Variants in VWA8 observed in about 807,000 individuals in gnomAD.
VWA8 encodes the protein von Willebrand factor A domain-containing protein 8.
A neutral mutation model predicts 241.5 loss-of-function variants in VWA8; 221 were observed. That is an observed-to-expected ratio of 0.91 (90% confidence interval 0.82 to 1.02). VWA8 has a LOEUF of 1.02. Among genes scored for constraint, VWA8 ranks in the 50% least tolerant of loss-of-function variants. VWA8 has a pLI of 0.00. For missense variants in VWA8, 2,322 were observed against 2,328.7 expected (o/e 1.00, Z 0.06); for synonymous variants, 852 against 827.1 (o/e 1.03, Z -0.52).
chr13:41,688,244 T>TATATA (rs1223259421), intron 34 of VWA8, among the ~76,000 whole-genome samples: 224 of 152,222 alleles, frequency 1.5e-3, no homozygotes, highest in African/African-American at 5.2e-3. Context: ...TATCCTGAAG[T>TATATA]ACCCAGCATT....
rs1012923821 is a variant in VWA8 at position 41,878,197 on chromosome 13, A to G, written c.1080+5190T>C. On this transcript the variant is annotated intron_variant, in intron 9 of 44. Coordinates refer to ENST00000379310, the MANE Select transcript of VWA8 (RefSeq NM_015058.2). ...CCTTCTTAATTTACCATTATAATAC[A>G]TACTTCTATTTCTTAAGTAAACATT... is the stretch of plus-strand genomic sequence containing the variant. 2.6e-5 allele frequency among the ~76,000 whole-genome samples: 4 copies of G among 152,150 alleles called. No homozygotes were observed. In the East Asian group the frequency reaches 5.8e-4, roughly 22 times the overall value.
chr13:41,621,690 TTAAGAA>T, intron 37 of VWA8, among the ~76,000 whole-genome samples: 1 of 151,894 alleles, frequency 6.6e-6, no homozygotes, highest in East Asian at 2.0e-4. Flanking sequence ...GAACAGTCTT[TTAAGAA>T]TAAGTACTAC....
At position 41,571,597 on chromosome 13, in the gene VWA8, G is replaced by C. The variant is rs570906377; in HGVS notation, c.5371-891C>G. ...GCTCCTGACTGCGAGTGATCTACCT[G>C]CCTCCGCCTCCCGAGGTGCCGGGAT... On this transcript the variant is annotated intron_variant, in intron 43 of 44. Transcript: ENST00000379310. Among the ~76,000 whole-genome samples, 668 of 152,270 alleles carry C rather than the reference G, an allele frequency of 4.4e-3. 5 individuals are homozygous for C. Among genetic ancestry groups the C allele is most frequent in the African/African-American group, 0.015 (639 of 41,556 alleles).
intron 37 of VWA8, among the ~76,000 whole-genome samples, chr13:41,621,710 T>C (rs2044658495): frequency 6.6e-6 from 1 of 152,178 alleles, no homozygotes; most frequent in South Asian, 2.1e-4. Flanking sequence ...GTACTACAAA[T>C]GAAGGCACAA....
At chr13:41,765,368 C>T (rs1332669494) in intron 20 of VWA8, among the ~76,000 whole-genome samples, 1 of 152,110 alleles carries the variant, frequency 6.6e-6, no homozygotes, top group African/African-American at 2.4e-5. Flanking sequence ...CAAGACTATC[C>T]TCAATTTGTT....
intron 19 of VWA8, among the ~76,000 whole-genome samples, chr13:41,782,129 A>T (rs1351232546): frequency 2.0e-5 from 3 of 152,230 alleles, no homozygotes; most frequent in African/African-American, 7.2e-5. Flanking sequence ...TAAGAAGAGA[A>T]GGTACGTTTG....
chr13:41,764,958 T>C (rs1024683948), intron 20 of VWA8, among the ~76,000 whole-genome samples: 3 of 151,916 alleles, frequency 2.0e-5, no homozygotes, highest in African/African-American at 4.8e-5. Flanking sequence ...GGAAAGCAGT[T>C]TGAAATTCCT....
chr13:41,786,473 C>T (rs1354098340), intron 18 of VWA8, among the ~76,000 whole-genome samples: 1 of 152,166 alleles, frequency 6.6e-6, no homozygotes, highest in Admixed American at 6.6e-5. Flanking sequence ...TTATCCCCTA[C>T]ATGAGGCTTA....
chr13:41,733,608 G>C (rs745617478), intron 21 of VWA8, among the ~76,000 whole-genome samples: 2 of 152,162 alleles, frequency 1.3e-5, no homozygotes, highest in African/African-American at 4.8e-5. Context: ...TTTTTTAGCA[G>C]AGATGGTGCT....
chr13:41,824,967 G>A (rs1237035063), intron 14 of VWA8, among the ~76,000 whole-genome samples: 1 of 151,942 alleles, frequency 6.6e-6, no homozygotes, highest in Non-Finnish European at 1.5e-5. Context: ...ATTGCCCAAG[G>A]AAAAGAAAAG....
At chr13:41,812,160 A>G (rs1311259013) in intron 16 of VWA8, among the ~76,000 whole-genome samples, 3 of 152,198 alleles carry the variant, frequency 2.0e-5, no homozygotes, top group Non-Finnish European at 2.9e-5. Flanking sequence ...AAATGATTCT[A>G]AAGTGCTTAG....
intron 37 of VWA8, among the ~76,000 whole-genome samples, chr13:41,666,635 C>T (rs534926594): frequency 1.8e-4 from 28 of 152,122 alleles, no homozygotes; most frequent in African/African-American, 6.3e-4. Flanking sequence ...CTTAACAACC[C>T]CCCAGTCTCC....
At chr13:41,689,223 G>T in intron 34 of VWA8, 131 bp downstream of exon 34, 1 of 1,021,652 alleles carries the variant, frequency 9.8e-7, no homozygotes, top group African/African-American at 1.6e-5. Context: ...GACTGATTTG[G>T]AAGGAAGACT....
intron 35 of VWA8, among the ~76,000 whole-genome samples, chr13:41,681,580 T>C (rs2045099938): frequency 6.6e-6 from 1 of 152,112 alleles, no homozygotes; most frequent in Admixed American, 6.5e-5. Flanking sequence ...TGTCAAAAAG[T>C]GAAGGAGATG....
At chr13:41,675,087 G>A in intron 36 of VWA8, 128 bp downstream of exon 36, 2 of 588,296 alleles carry the variant, frequency 3.4e-6, no homozygotes, top group Non-Finnish European at 5.8e-6. Flanking sequence ...GAAACCAACT[G>A]TAACTGGAAA....
chr13:41,703,278 A>G (rs1414057229), intron 27 of VWA8, 25 bp downstream of exon 27: 1 of 1,576,294 alleles, frequency 6.3e-7, no homozygotes, highest in Admixed American at 1.7e-5. Context: ...TCAATATTTT[A>G]AGAGAGAATA....
At chr13:41,771,742 C>A (rs1271689295) in intron 20 of VWA8, among the ~76,000 whole-genome samples, 2 of 152,082 alleles carry the variant, frequency 1.3e-5, no homozygotes, top group South Asian at 4.2e-4. Context: ...CCATGCCTGG[C>A]TAATTTTTTT....
intron 37 of VWA8, among the ~76,000 whole-genome samples, chr13:41,647,547 C>T (rs1029354106): frequency 6.6e-6 from 1 of 152,196 alleles, no homozygotes; most frequent in Non-Finnish European, 1.5e-5. Flanking sequence ...CAAATGCTTA[C>T]TGAGTGTCCA....
intron 2 of VWA8, among the ~76,000 whole-genome samples, chr13:41,934,890 G>A (rs183266548): frequency 6.6e-6 from 1 of 152,060 alleles, no homozygotes; most frequent in East Asian, 1.9e-4. Context: ...TATGTGCAGT[G>A]TATTGCATGT....
Sources: gnomAD v4.1 joint callset for allele counts (sites outside exome capture counted in the v4.1 genomes callset) on GRCh38, gnomAD v4.1.1 for gene constraint, MANE v1.5 for transcripts, NCBI Gene and HGNC (gene_info 2026-07-23, HGNC 2026-07-21) for gene names.